Variants in USP12 observed in about 807,000 individuals in gnomAD.
USP12 encodes the protein ubiquitin specific peptidase 12.
A neutral mutation model predicts 45.5 loss-of-function variants in USP12; 19 were observed. The ratio of observed to expected loss-of-function variants is 0.42; its 90% CI spans 0.29 to 0.61. The LOEUF is 0.61. Among genes scored for constraint, USP12 ranks in the 20% least tolerant of loss-of-function variants. USP12 has a pLI of 0.22. For synonymous variants in USP12, 149 were observed against 148.8 expected, an observed-to-expected ratio of 1.00 and a Z score of -0.01; for missense variants, 242 against 447.7, an observed-to-expected ratio of 0.54 and a Z score of 4.15.
chr13:27,070,732 T>A (rs1168319441), intron 8 of USP12, among the ~76,000 whole-genome samples: 22 of 152,270 alleles, frequency 1.4e-4, no homozygotes, highest in Non-Finnish European at 5.9e-5. Context: ...TTTGTATTTT[T>A]AGGAGAGACA....
chr13:27,069,366 T>C lies in USP12; in HGVS notation c.1030A>G (p.Ile344Val), dbSNP rs1462925951. Residue 344 changes from isoleucine (I) to valine (V), a missense_variant, in exon 9 of 9, where the codon ATT becomes GTT. Ile to Val is a conservative substitution (Grantham distance 29). Transcript: ENST00000282344. ...GATGTCAACCCGTAGAATTCTTCAA[T>C]AGCTTGTGCATCTATTTTCTGTGAG... ...DIVEKIDAQA[I>V]EEFYGLTSDI... 2 of 1,613,188 alleles carry C rather than the reference T, an allele frequency of 1.2e-6. No homozygotes were observed. The highest frequency in any genetic ancestry group is 1.3e-5 in the African/African-American group (1 of 74,898).
At chr13:27,075,033 TA>T (rs1348951160) in intron 7 of USP12, among the ~76,000 whole-genome samples, 157 bp downstream of exon 7, 11 of 152,132 alleles carry the variant, frequency 7.2e-5, no homozygotes, top group Admixed American at 7.2e-4. Context: ...TAAGAAATGA[TA>T]AAACATAAAG....
intron 6 of USP12, among the ~76,000 whole-genome samples, chr13:27,088,758 G>A (rs1874184076): frequency 6.6e-6 from 1 of 152,148 alleles, no homozygotes; most frequent in Non-Finnish European, 1.5e-5. Context: ...CTGGGTGCTT[G>A]CCTGGCTTTC....
intron 1 of USP12, among the ~76,000 whole-genome samples, chr13:27,157,958 C>T (rs1017617839): frequency 6.6e-6 from 1 of 152,246 alleles, no homozygotes; most frequent in Non-Finnish European, 1.5e-5. Context: ...GGGTCTAGCA[C>T]ATAACCCAAC....
chr13:27,139,530 C>T (rs908867681), intron 1 of USP12, among the ~76,000 whole-genome samples: 5 of 152,286 alleles, frequency 3.3e-5, no homozygotes, highest in South Asian at 2.1e-4. Flanking sequence ...GCAGGAGAAT[C>T]GCTTGAACCT....
At chr13:27,134,108 C>T (rs1007423845) in intron 1 of USP12, among the ~76,000 whole-genome samples, 1 of 152,204 alleles carries the variant, frequency 6.6e-6, no homozygotes, top group African/African-American at 2.4e-5. Flanking sequence ...CAGGCCACTG[C>T]ACTCCAGCCT....
intron 1 of USP12, among the ~76,000 whole-genome samples, chr13:27,139,302 G>A (rs1876946354): frequency 6.6e-6 from 1 of 152,102 alleles, no homozygotes; most frequent in South Asian, 2.1e-4. Flanking sequence ...CTACATACTA[G>A]CATCAAATTG....
chr13:27,169,431 G>A (rs1283265116), intron 1 of USP12, among the ~76,000 whole-genome samples: 1 of 152,100 alleles, frequency 6.6e-6, no homozygotes, highest in Non-Finnish European at 1.5e-5. Context: ...GAGGACAAAT[G>A]GCAATTTTCT....
chr13:27,107,852 G>A (rs973031504), intron 2 of USP12, among the ~76,000 whole-genome samples: 2 of 152,028 alleles, frequency 1.3e-5, no homozygotes, highest in East Asian at 1.9e-4. Flanking sequence ...CACACCAGTT[G>A]GAATGGCAAT....
chr13:27,077,938 T>A (rs1345394617), intron 6 of USP12: 1 of 152,148 alleles, frequency 6.6e-6, no homozygotes, highest in African/African-American at 2.4e-5. Flanking sequence ...AACATAATGT[T>A]TTCTACAAAA....
At chr13:27,135,448 C>G (rs1876758974) in intron 1 of USP12, among the ~76,000 whole-genome samples, 1 of 152,180 alleles carries the variant, frequency 6.6e-6, no homozygotes, top group East Asian at 1.9e-4. Context: ...CATGCTGGCT[C>G]ACGCCTATAA....
chr13:27,148,752 A>T, intron 1 of USP12, among the ~76,000 whole-genome samples: 1 of 148,038 alleles, frequency 6.8e-6, no homozygotes, highest in African/African-American at 2.5e-5. Context: ...ATAAAATAGC[A>T]TATCAATTGA....
intron 7 of USP12, 118 bp from the exon 8 acceptor site, chr13:27,071,267 T>G (rs1217449557): frequency 1.3e-6 from 1 of 799,954 alleles, no homozygotes; most frequent in Non-Finnish European, 1.9e-6. Context: ...AAGAACTGCT[T>G]CTTTTTTATA....
intron 1 of USP12, among the ~76,000 whole-genome samples, chr13:27,169,530 C>A (rs1878490110): frequency 6.6e-6 from 1 of 152,002 alleles, no homozygotes; most frequent in South Asian, 2.1e-4. Flanking sequence ...ACAGACACAC[C>A]CAATTTTAAT....
At chr13:27,079,189 G>A (rs1277696892) in intron 6 of USP12, among the ~76,000 whole-genome samples, 1 of 126,130 alleles carries the variant, frequency 7.9e-6, no homozygotes, top group Non-Finnish European at 1.7e-5. Context: ...TCCCAGGCCT[G>A]TGATTTAATG....
At chr13:27,116,430 T>C (rs1264767256) in intron 2 of USP12, 86 bp downstream of exon 2, 1 of 1,234,902 alleles carries the variant, frequency 8.1e-7, no homozygotes, top group Non-Finnish European at 1.1e-6. Flanking sequence ...AAAGAACAAT[T>C]TTCCTTTAAT....
At chr13:27,143,420 GTTC>G (rs1877162172) in intron 1 of USP12, among the ~76,000 whole-genome samples, 1 of 152,092 alleles carries the variant, frequency 6.6e-6, no homozygotes, top group Non-Finnish European at 1.5e-5. Flanking sequence ...ATGAGAAAAA[GTTC>G]TTCTTTACAG....
chr13:27,075,292 C>A lies in USP12; in HGVS notation c.831G>T (p.Arg277=), dbSNP rs746061873. Residue 277 remains arginine (R), a synonymous_variant, in exon 7 of 9, where the codon CGG becomes CGT. Transcript: ENST00000282344. The stretch of plus-strand genomic sequence containing the variant: ...GACGAAGTTCTAAAGGAAAAACTAC[C>A]CGGTAAGAGAGTTTTGTATATCGAT... ...QLHRYTKLSY[R]VVFPLELRLF... 1 of 1,613,908 alleles carries A rather than the reference C, an allele frequency of 6.2e-7. No individual in the cohort carries two copies. Among genetic ancestry groups the A allele is most frequent in the Admixed American group, 1.7e-5 (1 of 59,988 alleles).
intron 3 of USP12, among the ~76,000 whole-genome samples, chr13:27,100,662 T>C (rs73155879): frequency 0.047 from 7,156 of 152,206 alleles, 202 homozygotes; most frequent in African/African-American, 0.056. Context: ...CACCCACCCA[T>C]TTCCGGGTCA....
Sources: gnomAD v4.1 joint callset for allele counts (sites outside exome capture counted in the v4.1 genomes callset) on GRCh38, gnomAD v4.1.1 for gene constraint, MANE v1.5 for transcripts, NCBI Gene and HGNC (gene_info 2026-07-23, HGNC 2026-07-21) for gene names.